The following RICTOR variants were observed in gnomAD, a reference collection of about 807,000 sequenced individuals.
RICTOR encodes the protein rapamycin-insensitive companion of mTOR.
RICTOR carries 49 observed loss-of-function variants against 214.9 expected under a neutral mutation model. The observed-to-expected ratio is 0.23, with a 90% CI of 0.18 to 0.29. The LOEUF (loss-of-function observed/expected upper bound fraction) is 0.29, where lower values mean the gene tolerates loss of function less well. Among genes scored for constraint, RICTOR ranks in the 10% least tolerant of loss-of-function variants. The probability of loss-of-function intolerance (pLI) is 1.00; values close to 1 mark genes in which losing one functional copy is unlikely to be tolerated. For missense variants in RICTOR, 1,625 were observed against 2,047.0 expected (o/e 0.79, Z 3.98); for synonymous variants, 717 against 711.3 (o/e 1.01, Z -0.13).
chr5:39,055,762 G>A lies in RICTOR; in HGVS notation c.97+18349C>T, dbSNP rs571561137. 4.6e-5 allele frequency among the ~76,000 whole-genome samples: 7 copies of A among 152,268 alleles called. No individual in the cohort carries two copies. In the East Asian group the frequency reaches 5.8e-4, roughly 13 times the overall value. ...AGATTGACTTTTTGGGAAACTTTTT[G>A]TTGGTTACAGAGAAGAAAACAGATT... On this transcript the variant is annotated intron_variant, in intron 2 of 37. Coordinates refer to ENST00000357387, the MANE Select transcript of RICTOR (RefSeq NM_152756.5).
intron 10 of RICTOR, among the ~76,000 whole-genome samples, chr5:38,974,761 T>C (rs1751068628): frequency 6.6e-6 from 1 of 152,296 alleles, no homozygotes; most frequent in East Asian, 1.9e-4. Flanking sequence ...CCTGGAAACA[T>C]ACTGGTTAGG....
At chr5:39,056,460 CCT>C (rs1303589221) in intron 2 of RICTOR, among the ~76,000 whole-genome samples, 3 of 151,988 alleles carry the variant, frequency 2.0e-5, no homozygotes, top group African/African-American at 4.8e-5. Flanking sequence ...GTGGCAGAAC[CCT>C]GTCTCTACAA....
chr5:38,945,574 T>C lies in RICTOR; in HGVS notation c.4550A>G (p.Asp1517Gly). Reference protein sequence around the residue: ...TEDTGLQEHTDDNCLYCVCIE... With the variant: ...TEDTGLQEHTGDNCLYCVCIE... ...ACAGACACAATAAAGGCAGTTATCA[T>C]CTGTATGTTCCTGTAGTCCAGTGTC... Residue 1517 changes from aspartate to glycine, a missense_variant, in exon 34 of 38, where the codon GAT becomes GGT. Asp to Gly is a moderately conservative substitution (Grantham distance 94, BLOSUM62 -1). Around this residue, in one of 5 missense-constraint regions of RICTOR, gnomAD observed 1,214 missense variants for 1,470.5 expected, o/e 0.83. Coordinates refer to ENST00000357387, the MANE Select transcript of RICTOR (RefSeq NM_152756.5). The C allele has an allele frequency of 6.2e-7, 1 of 1,614,110 alleles. No individual in the cohort carries two copies. The highest frequency in any genetic ancestry group is 8.5e-7 in the Non-Finnish European group (1 of 1,179,956).
At chr5:38,947,992 T>TA (rs1383557435) in intron 31 of RICTOR, among the ~76,000 whole-genome samples, 1 of 152,150 alleles carries the variant, frequency 6.6e-6, no homozygotes, top group Non-Finnish European at 1.5e-5. Flanking sequence ...GATATCCTTG[T>TA]AAAAAGCACT....
intron 7 of RICTOR, among the ~76,000 whole-genome samples, chr5:38,989,003 G>GA (rs1165689308): frequency 6.6e-6 from 1 of 151,976 alleles, no homozygotes; most frequent in Admixed American, 6.6e-5. Context: ...CACAGAATTG[G>GA]AAAAAATACT....
chr5:38,995,182 G>A (rs1753088959), intron 6 of RICTOR, among the ~76,000 whole-genome samples: 1 of 152,128 alleles, frequency 6.6e-6, no homozygotes, highest in Non-Finnish European at 1.5e-5. Context: ...ATCAACCAAT[G>A]AGTGGATAAA....
rs1239991468 is a variant in RICTOR at position 38,941,063 on chromosome 5, C to A, written c.*1241G>T. ...ATGATGGCCATGCTATTTTTATATA[C>A]AAATTTGCATATATGTTTAATTCCT... On this transcript the variant is annotated 3_prime_UTR_variant, in exon 38 of 38. Coordinates refer to ENST00000357387, the MANE Select transcript of RICTOR (RefSeq NM_152756.5). The A allele has an allele frequency of 8.6e-6, 2 of 232,666 alleles. No homozygotes were observed. The highest frequency in any genetic ancestry group is 1.7e-5 in the Non-Finnish European group (2 of 117,552). The allele number at this position is 232,666 out of a possible 1,614,324, so 14.4% of individuals were successfully genotyped here. A position where few individuals can be genotyped will look rare whatever the true frequency, so the allele number is the denominator to read the frequency against.
chr5:38,978,217 T>C lies in RICTOR; in HGVS notation c.821+366A>G, dbSNP rs145481496. ...TTAAACTTATTCTCAGAATTCTACA[T>C]ATTACATCATTCTGCTGACTCAGTA... On this transcript the variant is annotated intron_variant, in intron 9 of 37. Coordinates refer to ENST00000357387, the MANE Select transcript of RICTOR (RefSeq NM_152756.5). Among the ~76,000 whole-genome samples, 292 of 152,324 alleles carry C rather than the reference T, an allele frequency of 1.9e-3. 1 individual carries two copies. Among genetic ancestry groups the C allele is most frequent in the Middle Eastern group, 0.01 (3 of 294 alleles).
chr5:39,030,765 A>G lies in RICTOR; in HGVS notation c.98-9629T>C, dbSNP rs577106268. ...TTAAATAATAAATATGTGAGTAAAC[A>G]TTTTTTAAGACCAGGTTGTTGTTGC... On this transcript the variant is annotated intron_variant, in intron 2 of 37. Transcript: ENST00000357387. 6.6e-5 allele frequency among the ~76,000 whole-genome samples: 10 copies of G among 152,224 alleles called. No homozygotes were observed. In the East Asian group the frequency reaches 1.7e-3, roughly 26 times the overall value.
chr5:39,002,015 T>C (rs543467628), intron 5 of RICTOR, among the ~76,000 whole-genome samples: 2 of 151,948 alleles, frequency 1.3e-5, no homozygotes, highest in South Asian at 2.1e-4. Flanking sequence ...GAGAAATGAG[T>C]GCATTTCCTC....
rs200270838 is a variant in RICTOR, at chr5:38,939,881, CTTAAG to C, written c.*2418_*2422del. The C allele has an allele frequency of 5.6e-3, 1,275 of 226,298 alleles. 19 individuals carry two copies. The highest frequency in any genetic ancestry group is 0.026 in the African/African-American group (1,193 of 45,062). 14.0% of individuals were successfully genotyped at this position (226,298 alleles called of 1,614,324 possible). On this transcript the variant is annotated 3_prime_UTR_variant, in exon 38 of 38. Coordinates refer to ENST00000357387, the MANE Select transcript of RICTOR (RefSeq NM_152756.5). ...TGCTATAATTTAATATTTTTAAACA[CTTAAG>C]TTAATCACTTGGCACTGCATGTATT...
intron 2 of RICTOR, among the ~76,000 whole-genome samples, chr5:39,023,088 A>T (rs1678652592): frequency 1.3e-5 from 2 of 152,152 alleles, no homozygotes; most frequent in African/African-American, 4.8e-5. Flanking sequence ...GCCAGATTAA[A>T]AACAAGAAGT....
At chr5:39,043,534 T>G (rs1259589391) in intron 2 of RICTOR, among the ~76,000 whole-genome samples, 5 of 152,302 alleles carry the variant, frequency 3.3e-5, no homozygotes, top group Non-Finnish European at 1.5e-5. Flanking sequence ...TAAGTTCTGG[T>G]GTTCTCTTGT....
intron 2 of RICTOR, among the ~76,000 whole-genome samples, chr5:39,035,897 A>ATAT (rs1756651119): frequency 6.6e-6 from 1 of 152,226 alleles, no homozygotes; most frequent in Non-Finnish European, 1.5e-5. Flanking sequence ...ACTCTGCAGG[A>ATAT]TATTATCCAG....
intron 2 of RICTOR, chr5:39,022,501 C>A: frequency 6.5e-6 from 1 of 154,312 alleles, no homozygotes; most frequent in South Asian, 1.8e-4. Context: ...AAAATGACCT[C>A]GCATCAGACC....
intron 2 of RICTOR, among the ~76,000 whole-genome samples, chr5:39,066,437 T>C (rs1357425888): frequency 6.6e-6 from 1 of 152,224 alleles, no homozygotes; most frequent in African/African-American, 2.4e-5. Context: ...CTAAAATGCC[T>C]TGAAGGCCTT....
intron 2 of RICTOR, among the ~76,000 whole-genome samples, chr5:39,042,921 C>A (rs530206819): frequency 6.6e-6 from 1 of 152,258 alleles, no homozygotes; most frequent in East Asian, 1.9e-4. Context: ...CACCACTGTA[C>A]TCTAGCCTGG....
Position 38,958,925 on chromosome 5 carries a change from G to C in RICTOR, c.2179-94C>G, listed in dbSNP as rs532675234. On this transcript the variant is annotated intron_variant, in intron 22 of 37. Transcript: ENST00000357387. ...TTGGGATAGTCCTGCTACTTGAAAAGGGAAGAATGCCTGGAATTGGTGGTC... is the reference window on the plus strand; with the variant it reads ...TTGGGATAGTCCTGCTACTTGAAAACGGAAGAATGCCTGGAATTGGTGGTC... The C allele has an allele frequency of 5.6e-5, 52 of 929,696 alleles. No homozygotes were observed. In the African/African-American group the frequency reaches 6.8e-4, roughly 12 times the overall value. 57.6% of individuals were successfully genotyped at this position (929,696 alleles called of 1,614,324 possible).
At position 38,982,077 on chromosome 5, in the gene RICTOR, A is replaced by G. The variant is rs1579988920; in HGVS notation, c.584-41T>C. Reference sequence around the variant, plus strand: ...TTAACATATTATATTTGGGGTAATTATTAAAAGTAATAAAAAATCTAGGCT... The same window carrying G: ...TTAACATATTATATTTGGGGTAATTGTTAAAAGTAATAAAAAATCTAGGCT... On this transcript the variant is annotated intron_variant, in intron 7 of 37. Coordinates refer to ENST00000357387, the MANE Select transcript of RICTOR (RefSeq NM_152756.5). 2.1e-6 allele frequency: 3 copies of G among 1,417,936 alleles called. 1 individual carries two copies. The South Asian group carries it at 3.8e-5, about 18-fold the overall frequency. 87.8% of individuals were successfully genotyped at this position (1,417,936 alleles called of 1,614,324 possible).
Sources: gnomAD v4.1 joint callset for allele counts (sites outside exome capture counted in the v4.1 genomes callset) on GRCh38, gnomAD v4.1.1 for gene constraint, gnomAD v4.1.1 regional missense constraint, MANE v1.5 for transcripts, NCBI Gene and HGNC (gene_info 2026-07-23, HGNC 2026-07-21) for gene names.